Variants in ANXA11 observed in about 807,000 individuals in gnomAD.
The protein encoded by ANXA11 is 56 kDa autoantigen.
Under a neutral mutation model 64.7 loss-of-function variants are expected in ANXA11, and 57 were observed. The observed-to-expected ratio is 0.88, with a 90% confidence interval of 0.71 to 1.10. The LOEUF (loss-of-function observed/expected upper bound fraction) is 1.10. Among genes scored for constraint, ANXA11 ranks in the 50% least tolerant of loss-of-function variants. The pLI, the probability that ANXA11 is intolerant of heterozygous loss-of-function variation, is 0.00. For missense variants in ANXA11, 675 were observed against 670.7 expected, an observed-to-expected ratio of 1.01 and a Z score of -0.07; for synonymous variants, 260 against 265.2, an observed-to-expected ratio of 0.98 and a Z score of 0.19.
intron 3 of ANXA11, 39 bp from the exon 4 acceptor site, chr10:80,170,954 C>T (rs1285238358): frequency 6.4e-7 from 1 of 1,558,986 alleles, no homozygotes; most frequent in Non-Finnish European, 8.7e-7. Flanking sequence ...CCTGCCAGTC[C>T]CCCACCACAC....
chr10:80,166,871 C>A lies in ANXA11; in HGVS notation c.744+19G>T, dbSNP rs772710268. On this transcript the variant is annotated intron_variant, in intron 7 of 15. Transcript: ENST00000422982. ...CCAGGACACGCCTCACTGTCCCGCGCCCCCACCCCGCAGCTCGCCTTGCCG... is the reference window on the plus strand; with the variant it reads ...CCAGGACACGCCTCACTGTCCCGCGACCCCACCCCGCAGCTCGCCTTGCCG... 10 of 1,586,426 alleles carry A rather than the reference C, an allele frequency of 6.3e-6. No homozygotes were observed. The highest frequency in any genetic ancestry group is 8.6e-6 in the Non-Finnish European group (10 of 1,166,050).
At chr10:80,178,968 T>G (rs899508948) in intron 1 of ANXA11, among the ~76,000 whole-genome samples, 1 of 152,194 alleles carries the variant, frequency 6.6e-6, no homozygotes, top group Non-Finnish European at 1.5e-5. Flanking sequence ...TCCCTTAAGG[T>G]ATTGGACACT....
chr10:80,163,573 T>C lies in ANXA11; in HGVS notation c.990A>G (p.Thr330=), dbSNP rs1246495398. 3 of 1,570,764 alleles carry C rather than the reference T, an allele frequency of 1.9e-6. No individual in the cohort carries two copies. The highest frequency in any genetic ancestry group is 8.6e-7 in the Non-Finnish European group (1 of 1,157,334). The change falls in exon 10 of 16, where the codon ACA becomes ACG. Residue 330 remains threonine, a synonymous_variant. Transcript: ENST00000422982. ...TGAGGAGCCGCTGGAAGTGCCCTGA[T>C]GTGTCGCTTCGAATGGCCTCTTCCA... ...KTLEEAIRSD[T]SGHFQRLLIS...
At chr10:80,178,367 C>G (rs1273281688) in intron 1 of ANXA11, among the ~76,000 whole-genome samples, 1 of 152,226 alleles carries the variant, frequency 6.6e-6, no homozygotes, top group Non-Finnish European at 1.5e-5. Flanking sequence ...TCTACGCCTG[C>G]TTCTAATCAC....
Position 80,163,420 on chromosome 10 carries a change from G to T in ANXA11, c.1030-15C>A. 2.5e-6 allele frequency: 4 copies of T among 1,614,092 alleles called. No homozygotes were observed. Among genetic ancestry groups the T allele is most frequent in the Non-Finnish European group, 3.4e-6 (4 of 1,180,022 alleles). On this transcript the variant is annotated splice_polypyrimidine_tract_variant and intron_variant, in intron 10 of 15. Coordinates refer to ENST00000422982, the MANE Select transcript of ANXA11 (RefSeq NM_145868.2). ...TCACGGTTTCCCTGAAAGGAAGCAG[G>T]TGTATGGTCATGCCCACTCCTTCCC...
chr10:80,196,228 G>A (rs1018773564), intron 1 of ANXA11, among the ~76,000 whole-genome samples: 1 of 152,200 alleles, frequency 6.6e-6, no homozygotes, highest in Non-Finnish European at 1.5e-5. Flanking sequence ...AGGCTGAGCT[G>A]ACTCTTGACA....
rs140101664 is a variant in ANXA11 at position 80,179,368 on chromosome 10, G to C, written c.-57-3213C>G. Among the ~76,000 whole-genome samples the C allele has an allele frequency of 1.7e-4, 26 of 152,324 alleles. 1 individual carries two copies. The East Asian group carries it at 4.6e-3, about 27-fold the overall frequency. ...TCCCATATTCTGGGCCCTTCAACCT[G>C]GCATAGGCCCAGCCTGCAGAACTGT... On this transcript the variant is annotated intron_variant, in intron 1 of 15. Transcript: ENST00000422982.
chr10:80,203,673 G>A (rs1401406647), intron 1 of ANXA11, among the ~76,000 whole-genome samples: 3 of 152,118 alleles, frequency 2.0e-5, no homozygotes, highest in Non-Finnish European at 4.4e-5. Flanking sequence ...TACTATGCAA[G>A]GCGAGAGATG....
chr10:80,166,039 C>G (rs9421228), intron 8 of ANXA11, 45 bp downstream of exon 8: 2 of 1,096,724 alleles, frequency 1.8e-6, no homozygotes, highest in Non-Finnish European at 2.6e-6. Context: ...CGCACACACG[C>G]GCGCACACAC....
In ANXA11 at chr10:80,166,978, T is replaced by C. The variant is rs1845769194; in HGVS notation, c.656A>G (p.Asp219Gly). The change falls in exon 7 of 16, where the codon GAT (aspartate) becomes GGT (glycine). Residue 219 changes from aspartate (D) to glycine (G), a missense_variant. Transcript: ENST00000422982. ...CAGGCAGTCAATGATGGCCTGCTCA[T>C]CCGTCCCTGGAGGAAGAGGCAGCAG... ...LRKAMKGFGT[D>G]EQAIIDCLGS... The C allele has an allele frequency of 1.9e-6, 3 of 1,596,954 alleles. No homozygotes were observed. The highest frequency in any genetic ancestry group is 2.7e-5 in the African/African-American group (2 of 74,570).
At chr10:80,176,898 T>G (rs1037551594) in intron 1 of ANXA11, among the ~76,000 whole-genome samples, 1 of 151,996 alleles carries the variant, frequency 6.6e-6, no homozygotes, top group East Asian at 1.9e-4. Context: ...AAGATATACC[T>G]CTAGTCCTCC....
intron 1 of ANXA11, among the ~76,000 whole-genome samples, chr10:80,183,252 C>T (rs1003772942): frequency 9.9e-5 from 15 of 152,188 alleles, no homozygotes; most frequent in African/African-American, 2.9e-4. Context: ...GAGGCAGAAA[C>T]GTCTACTACG....
chr10:80,177,293 T>C (rs887794986), intron 1 of ANXA11, among the ~76,000 whole-genome samples: 1 of 152,116 alleles, frequency 6.6e-6, no homozygotes, highest in Non-Finnish European at 1.5e-5. Context: ...CTCTTATCTT[T>C]TAGTTCTTTT....
chr10:80,156,520 C>CT (rs373448583), intron 15 of ANXA11: 27,629 of 339,682 alleles, frequency 0.081, 12 homozygotes, highest in South Asian at 0.11. Context: ...TATTAACTCT[C>CT]TTTTTTTTTT....
chr10:80,193,410 T>C lies in ANXA11; in HGVS notation c.-58+11933A>G, dbSNP rs1334942847. 5.3e-5 allele frequency among the ~76,000 whole-genome samples: 8 copies of C among 152,356 alleles called. No individual in the cohort carries two copies. In the East Asian group the frequency reaches 1.3e-3, roughly 26 times the overall value. On this transcript the variant is annotated intron_variant, in intron 1 of 15. Transcript: ENST00000422982. ...TGTCAGGGGACTGCTGGCTTCATTA[T>C]AAGCCTTTTGGATCAACATATTTGG... is the stretch of plus-strand genomic sequence containing the variant.
At chr10:80,161,182 CCT>C (rs1170163068) in intron 12 of ANXA11, among the ~76,000 whole-genome samples, 5 of 152,220 alleles carry the variant, frequency 3.3e-5, no homozygotes, top group African/African-American at 7.2e-5. Context: ...GGCCCTCTCC[CCT>C]CTCTGCCCTC....
chr10:80,203,764 C>T (rs1163080250), intron 1 of ANXA11, among the ~76,000 whole-genome samples: 2 of 152,200 alleles, frequency 1.3e-5, no homozygotes, highest in African/African-American at 4.8e-5. Flanking sequence ...ACCCGGATGG[C>T]TCCCAGGAGG....
At chr10:80,193,740 A>T (rs1266557210) in intron 1 of ANXA11, among the ~76,000 whole-genome samples, 12 of 140,080 alleles carry the variant, frequency 8.6e-5, no homozygotes, top group African/African-American at 2.7e-5. Flanking sequence ...CCTACTCGGG[A>T]GGCTGGGGCT....
chr10:80,199,608 C>G (rs931304975), intron 1 of ANXA11, among the ~76,000 whole-genome samples: 3 of 151,980 alleles, frequency 2.0e-5, no homozygotes, highest in Non-Finnish European at 4.4e-5. Flanking sequence ...GAGTTTGAGA[C>G]CAGCCTGGGC....
Sources: gnomAD v4.1 joint callset for allele counts (sites outside exome capture counted in the v4.1 genomes callset) on GRCh38, gnomAD v4.1.1 for gene constraint, MANE v1.5 for transcripts, NCBI Gene and HGNC (gene_info 2026-07-23, HGNC 2026-07-21) for gene names.